The following STK32B variants were observed in gnomAD, a reference collection of about 807,000 sequenced individuals.
STK32B encodes the protein serine/threonine kinase 32B, also known as serine/threonine-protein kinase 32B.
A neutral mutation model predicts 52.6 loss-of-function variants in STK32B; 43 were observed. The observed-to-expected ratio is 0.82, with a 90% CI of 0.64 to 1.05. The LOEUF is 1.05. STK32B is among the 50% of genes least tolerant of loss of function. The pLI is 0.00. For synonymous variants in STK32B, 238 were observed against 204.3 expected (o/e 1.17, Z -1.41); for missense variants, 621 against 534.6 (o/e 1.16, Z -1.59).
At chr4:5,164,729 T>TG (rs1718737874) in intron 2 of STK32B, among the ~76,000 whole-genome samples, 1 of 152,158 alleles carries the variant, frequency 6.6e-6, no homozygotes, top group Non-Finnish European at 1.5e-5. Flanking sequence ...GACTTGCCTA[T>TG]GGTCACACAG....
intron 7 of STK32B, among the ~76,000 whole-genome samples, chr4:5,450,821 G>T (rs1275812770): frequency 6.6e-6 from 1 of 152,208 alleles, no homozygotes. Flanking sequence ...GGGAGGAACT[G>T]CTGGAAAGCC....
intron 11 of STK32B, among the ~76,000 whole-genome samples, chr4:5,483,326 G>C (rs1468054930): frequency 2.0e-5 from 3 of 151,750 alleles, no homozygotes; most frequent in Non-Finnish European, 4.4e-5. Flanking sequence ...GAGAGTGTAT[G>C]TGTCCAGGAA....
intron 3 of STK32B, among the ~76,000 whole-genome samples, chr4:5,242,849 G>T (rs1441993856): frequency 6.6e-6 from 1 of 152,088 alleles, no homozygotes; most frequent in Non-Finnish European, 1.5e-5. Context: ...TTTCCCCATT[G>T]CTTGTTTTTC....
chr4:5,171,721 T>A (rs1171023983), intron 3 of STK32B, among the ~76,000 whole-genome samples: 3 of 147,238 alleles, frequency 2.0e-5, no homozygotes, highest in African/African-American at 7.3e-5. Context: ...CCTTGTAGTA[T>A]GGTTTGAAGT....
intron 11 of STK32B, among the ~76,000 whole-genome samples, chr4:5,491,181 G>T (rs1009002474): frequency 2.6e-5 from 4 of 152,198 alleles, no homozygotes; most frequent in Non-Finnish European, 4.4e-5. Context: ...CTAGTTTACA[G>T]TCCCACCAAC....
At chr4:5,071,155 TGTGACCAG>T in intron 1 of STK32B, among the ~76,000 whole-genome samples, 1 of 152,196 alleles carries the variant, frequency 6.6e-6, no homozygotes, top group South Asian at 2.1e-4. Flanking sequence ...TGGGGAGTGA[TGTGACCAG>T]GTTTTCAGTT....
At chr4:5,310,509 A>G (rs1730222791) in intron 3 of STK32B, among the ~76,000 whole-genome samples, 3 of 152,174 alleles carry the variant, frequency 2.0e-5, no homozygotes, top group Admixed American at 2.0e-4. Context: ...CCCATTTATA[A>G]TGGCTATCAT....
At chr4:5,037,575 A>G in the STK32B span, among the ~76,000 whole-genome samples, 1 of 152,166 alleles carries the variant, frequency 6.6e-6, no homozygotes, top group Non-Finnish European at 1.5e-5. Flanking sequence ...CAATTACTCT[A>G]CAGATAAAGG....
At chr4:5,484,007 A>C (rs958714359) in intron 11 of STK32B, among the ~76,000 whole-genome samples, 1 of 152,144 alleles carries the variant, frequency 6.6e-6, no homozygotes, top group Non-Finnish European at 1.5e-5. Flanking sequence ...TTTACTTCCA[A>C]CTATGTGGTC....
intron 3 of STK32B, among the ~76,000 whole-genome samples, chr4:5,181,338 A>G (rs1720340281): frequency 7.2e-6 from 1 of 139,628 alleles, no homozygotes; most frequent in Non-Finnish European, 1.6e-5. Flanking sequence ...AGACACACAC[A>G]CACACACACA....
At chr4:5,456,674 C>T (rs1716548974) in intron 7 of STK32B, 133 bp from the exon 8 acceptor site, 9 of 828,020 alleles carry the variant, frequency 1.1e-5, no homozygotes, top group East Asian at 2.9e-5. Flanking sequence ...CCTGCTCTGC[C>T]GTGAAAGAGA....
At chr4:5,185,134 G>T (rs1720649155) in intron 3 of STK32B, among the ~76,000 whole-genome samples, 1 of 152,234 alleles carries the variant, frequency 6.6e-6, no homozygotes, top group Non-Finnish European at 1.5e-5. Flanking sequence ...TGGGTCAGTA[G>T]TTCATTCATG....
At chr4:5,272,217 GT>G (rs1727489911) in intron 3 of STK32B, among the ~76,000 whole-genome samples, 1 of 138,866 alleles carries the variant, frequency 7.2e-6, no homozygotes, top group South Asian at 2.3e-4. Context: ...AGCATGAAGG[GT>G]TGTTGAATTT....
chr4:5,477,073 A>G (rs1316075262), intron 11 of STK32B, among the ~76,000 whole-genome samples: 1 of 152,142 alleles, frequency 6.6e-6, no homozygotes, highest in Non-Finnish European at 1.5e-5. Context: ...AGTTTGCGGA[A>G]ATTTGCTAAG....
At chr4:5,418,167 T>C (rs1712316510) in intron 6 of STK32B, among the ~76,000 whole-genome samples, 1 of 152,274 alleles carries the variant, frequency 6.6e-6, no homozygotes, top group Non-Finnish European at 1.5e-5. Context: ...CTGTGTCTTT[T>C]AACTCTTTTG....
intron 4 of STK32B, among the ~76,000 whole-genome samples, chr4:5,391,729 C>T (rs1276323771): frequency 1.3e-5 from 2 of 152,210 alleles, no homozygotes; most frequent in African/African-American, 4.8e-5. Context: ...GCTTTCTAAA[C>T]ACTTGACCAC....
chr4:5,217,632 C>T (rs751599322), intron 3 of STK32B, among the ~76,000 whole-genome samples: 1 of 152,184 alleles, frequency 6.6e-6, no homozygotes, highest in Non-Finnish European at 1.5e-5. Context: ...TACAATGTGG[C>T]ATCCAAGAGC....
At chr4:5,489,047 T>C (rs997983065) in intron 11 of STK32B, among the ~76,000 whole-genome samples, 3 of 152,156 alleles carry the variant, frequency 2.0e-5, no homozygotes, top group African/African-American at 7.2e-5. Flanking sequence ...TCTTTAATTG[T>C]CTGTCATGTA....
intron 2 of STK32B, among the ~76,000 whole-genome samples, chr4:5,151,346 G>A (rs1717350837): frequency 6.6e-6 from 1 of 152,202 alleles, no homozygotes; most frequent in South Asian, 2.1e-4. Flanking sequence ...GCTGGCATAA[G>A]ATGAAGAAAA....
Sources: allele counts gnomAD v4.1 joint callset (sites outside exome capture counted in the v4.1 genomes callset), GRCh38; gene constraint gnomAD v4.1.1; transcripts MANE v1.5; gene names NCBI Gene and HGNC (gene_info 2026-07-23, HGNC 2026-07-21).